The following DMD variants were observed in gnomAD, a reference collection of about 807,000 sequenced individuals.
The protein encoded by DMD is mutant dystrophin.
DMD carries 63 observed loss-of-function variants against 330.1 expected under a neutral mutation model. The ratio of observed to expected loss-of-function variants is 0.19; its 90% CI spans 0.16 to 0.24. DMD has a LOEUF of 0.24. Among genes scored for constraint, DMD ranks in the 10% least tolerant of loss-of-function variants. The probability of loss-of-function intolerance (pLI) is 1.00; values close to 1 mark genes in which losing one functional copy is unlikely to be tolerated. For synonymous variants in DMD, 1,223 were observed against 959.8 expected (o/e 1.27, Z -5.07); for missense variants, 3,344 against 2,684.1 (o/e 1.25, Z -5.43).
At chrX:32,589,171 T>G (rs2054611282) in intron 13 of DMD, among the ~76,000 whole-genome samples, 1 of 112,021 alleles carries the variant, frequency 8.9e-6, no homozygotes, top group African/African-American at 3.2e-5. Flanking sequence ...ATTAGTTATT[T>G]TTTAATTAAA....
intron 76 of DMD, among the ~76,000 whole-genome samples, chrX:31,141,228 CAACAACAAA>C (rs1013775448): frequency 2.7e-5 from 3 of 111,730 alleles, no homozygotes; most frequent in South Asian, 3.8e-4. Context: ...ACAACAACAA[CAACAACAAA>C]ACCAGAATGA....
At chrX:31,525,765 A>T (rs2073195299) in intron 55 of DMD, among the ~76,000 whole-genome samples, 2 of 112,583 alleles carry the variant, frequency 1.8e-5, no homozygotes, top group Non-Finnish European at 3.7e-5. Context: ...TTACTCGTTG[A>T]CGGTGAAATG....
chrX:31,604,442 A>T (rs1207428827), intron 55 of DMD, among the ~76,000 whole-genome samples: 1 of 111,488 alleles, frequency 9.0e-6, no homozygotes, highest in Non-Finnish European at 1.9e-5. Flanking sequence ...CATCTAATTA[A>T]AGTTCGAGAC....
At chrX:33,313,248 C>T (rs1229366254) in intron 1 of DMD, among the ~76,000 whole-genome samples, 1 of 112,062 alleles carries the variant, frequency 8.9e-6, no homozygotes, top group Non-Finnish European at 1.9e-5. Context: ...CAATATACTG[C>T]TTGATTAGGC....
At chrX:31,457,006 G>T (rs1484817000) in intron 59 of DMD, among the ~76,000 whole-genome samples, 2 of 108,957 alleles carry the variant, frequency 1.8e-5, no homozygotes, top group African/African-American at 6.7e-5. Context: ...ATGAGAAGTT[G>T]AGTCATAGGG....
At chrX:32,403,034 T>A (rs938175748) in intron 30 of DMD, among the ~76,000 whole-genome samples, 2 of 111,865 alleles carry the variant, frequency 1.8e-5, no homozygotes, top group Non-Finnish European at 3.8e-5. Context: ...GTTAGAAATC[T>A]GCTGGGTGGC....
intron 61 of DMD, among the ~76,000 whole-genome samples, chrX:31,328,322 C>T (rs1292732783): frequency 1.8e-5 from 2 of 110,572 alleles, no homozygotes; most frequent in Admixed American, 9.5e-5. Flanking sequence ...GCAGCAGAAG[C>T]CTCTCTTTAT....
chrX:31,409,821 A>G (rs1383363550), intron 60 of DMD, among the ~76,000 whole-genome samples: 3 of 102,013 alleles, frequency 2.9e-5, no homozygotes, highest in Non-Finnish European at 5.8e-5. Context: ...TATTTTATTC[A>G]TTTATTTTTT....
intron 50 of DMD, among the ~76,000 whole-genome samples, chrX:31,794,156 G>C (rs1299153117): frequency 1.8e-5 from 2 of 111,749 alleles, no homozygotes; most frequent in Non-Finnish European, 3.8e-5. Flanking sequence ...GAAGATTATA[G>C]TATACGTCTA....
chrX:31,880,272 A>G (rs2094039515), intron 47 of DMD, among the ~76,000 whole-genome samples: 1 of 112,088 alleles, frequency 8.9e-6, no homozygotes, highest in African/African-American at 3.2e-5. Context: ...AAAAGAATAT[A>G]AAAAGATTGA....
chrX:31,714,145 T>A (rs1442875933), intron 52 of DMD, among the ~76,000 whole-genome samples: 2 of 111,786 alleles, frequency 1.8e-5, no homozygotes, highest in African/African-American at 3.2e-5. Context: ...AAAATTTATT[T>A]AGGAAGCATT....
chrX:31,382,623 C>T, intron 60 of DMD, among the ~76,000 whole-genome samples: 1 of 111,439 alleles, frequency 9.0e-6, no homozygotes, highest in East Asian at 2.8e-4. Flanking sequence ...TGTTTTTCTC[C>T]TTCTCTTATT....
intron 2 of DMD, among the ~76,000 whole-genome samples, chrX:32,991,594 A>T (rs984809604): frequency 8.9e-6 from 1 of 111,947 alleles, no homozygotes; most frequent in Non-Finnish European, 1.9e-5. Context: ...ATGGCTACCA[A>T]ATTGGACAGC....
chrX:31,881,783 T>C (rs1429706341), intron 47 of DMD, among the ~76,000 whole-genome samples: 1 of 111,965 alleles, frequency 8.9e-6, no homozygotes, highest in Non-Finnish European at 1.9e-5. Context: ...TCTATCTTTG[T>C]GTAAGTACAC....
rs1438933579 is a variant in DMD at position 31,434,427 on chromosome X, CACACACACACACA to C, written c.9084+10041_9084+10053del. On this transcript the variant is annotated intron_variant, in intron 60 of 78. Transcript: ENST00000357033. ...TTACTGCAGCGCGCGCGCACACACA[CACACACACACACA>C]CACACACACACACACACACACACAC... 1.4e-4 allele frequency among the ~76,000 whole-genome samples: 9 copies of C among 64,687 alleles called. 1 individual carries two copies. The East Asian group carries it at 4.3e-3, about 31-fold the overall frequency. 56.2% of individuals were successfully genotyped at this position (64,687 alleles called of 115,157 possible).
intron 48 of DMD, among the ~76,000 whole-genome samples, chrX:31,842,413 C>T (rs1603486086): frequency 8.9e-6 from 1 of 112,299 alleles, no homozygotes; most frequent in East Asian, 2.8e-4. Flanking sequence ...GTTGGTAAAG[C>T]AGCAGCAGGG....
At chrX:32,269,700 T>G (rs749024986) in intron 43 of DMD, among the ~76,000 whole-genome samples, 2 of 112,272 alleles carry the variant, frequency 1.8e-5, no homozygotes, top group Non-Finnish European at 3.8e-5. Flanking sequence ...TGTAAATCTC[T>G]TAATATAAAG....
At chrX:32,856,284 A>G (rs2081550601) in intron 2 of DMD, among the ~76,000 whole-genome samples, 1 of 112,041 alleles carries the variant, frequency 8.9e-6, no homozygotes, top group Non-Finnish European at 1.9e-5. Context: ...GAACTACCAT[A>G]TAATCCAGCA....
At chrX:31,809,142 TGA>T (rs1241616949) in intron 50 of DMD, among the ~76,000 whole-genome samples, 9 of 88,822 alleles carry the variant, frequency 1.0e-4, no homozygotes, top group Non-Finnish European at 2.0e-4. Flanking sequence ...TAAATATATA[TGA>T]GTTTATATAT....
Sources: allele counts gnomAD v4.1 joint callset (sites outside exome capture counted in the v4.1 genomes callset), GRCh38; gene constraint gnomAD v4.1.1; transcripts MANE v1.5; gene names NCBI Gene and HGNC (gene_info 2026-07-23, HGNC 2026-07-21).